The following CACNA1C variants were observed in gnomAD, a reference collection of about 807,000 sequenced individuals.
The protein encoded by CACNA1C is calcium voltage-gated channel subunit alpha1 C, also known as voltage-dependent L-type calcium channel subunit alpha-1C.
In CACNA1C, 30 loss-of-function variants were observed where a neutral mutation model predicts 229.0. The observed-to-expected ratio is 0.13, with a 90% confidence interval of 0.10 to 0.18. The LOEUF is 0.18. Ranked by LOEUF, CACNA1C falls within the 10% of genes least tolerant of loss-of-function variation. The probability of loss-of-function intolerance (pLI) is 1.00; values close to 1 mark genes in which losing one functional copy is unlikely to be tolerated. For missense variants in CACNA1C, 1,658 were observed against 2,845.0 expected (o/e 0.58, Z 9.49); for synonymous variants, 1,114 against 1,132.5 (o/e 0.98, Z 0.33).
At chr12:2,242,896 G>A (rs773915793) in intron 3 of CACNA1C, among the ~76,000 whole-genome samples, 4 of 152,236 alleles carry the variant, frequency 2.6e-5, no homozygotes, top group Non-Finnish European at 4.4e-5. Flanking sequence ...GTTAGCAGGG[G>A]CAAGTGTGGT....
chr12:2,046,584 A>G (rs2051093794), intron 1 of CACNA1C, among the ~76,000 whole-genome samples: 3 of 152,128 alleles, frequency 2.0e-5, no homozygotes, highest in Admixed American at 2.0e-4. Context: ...ATCAGGCCAT[A>G]AATAACCTCG....
chr12:2,691,525 G>A lies in CACNA1C; in HGVS notation c.*326G>A, dbSNP rs573305736. The stretch of plus-strand genomic sequence containing the variant: ...GGCTTCCCGCGCGCCCTCACCAAAA[G>A]GACCCTACAGCAAACGGGTGTCTTT... On this transcript the variant is annotated 3_prime_UTR_variant, in exon 47 of 47. Coordinates refer to ENST00000399655, the MANE Select transcript of CACNA1C (RefSeq NM_000719.7). 3 of 287,954 alleles carry A rather than the reference G, an allele frequency of 1.0e-5. No homozygotes were observed. Among genetic ancestry groups the A allele is most frequent in the African/African-American group, 4.3e-5 (2 of 46,020 alleles). The allele number at this position is 287,954 out of a possible 1,614,324, so 17.8% of individuals were successfully genotyped here.
chr12:2,684,367 TA>T (rs1205212309), intron 43 of CACNA1C, among the ~76,000 whole-genome samples: 1 of 152,040 alleles, frequency 6.6e-6, no homozygotes, highest in Non-Finnish European at 1.5e-5. Flanking sequence ...ACGGTCAATA[TA>T]AAAAAGGGAA....
chr12:2,643,446 T>C (rs1262561329), intron 30 of CACNA1C, among the ~76,000 whole-genome samples: 1 of 152,228 alleles, frequency 6.6e-6, no homozygotes, highest in Non-Finnish European at 1.5e-5. Context: ...ACCTCATTCA[T>C]TTGCTCTTCT....
intron 5 of CACNA1C, among the ~76,000 whole-genome samples, chr12:2,460,914 C>G (rs971209061): frequency 2.6e-5 from 4 of 152,180 alleles, no homozygotes; most frequent in African/African-American, 9.7e-5. Flanking sequence ...AACAGGGAAC[C>G]ATGCAGACCA....
rs1175377872 is a variant in CACNA1C, at chr12:2,691,304, GC to G, written c.*106del. ...TCGTGACCTGGAGTTAACCGGAACAGCGTCTTCATTCATTTCTGTTGGGACC... is the reference window on the plus strand; with the variant it reads ...TCGTGACCTGGAGTTAACCGGAACAGGTCTTCATTCATTTCTGTTGGGACC... On this transcript the variant is annotated 3_prime_UTR_variant, in exon 47 of 47. Coordinates refer to ENST00000399655, the MANE Select transcript of CACNA1C (RefSeq NM_000719.7). 8.4e-7 allele frequency: 1 copy of G among 1,188,988 alleles called. No homozygotes were observed. Among genetic ancestry groups the G allele is most frequent in the African/African-American group, 1.6e-5 (1 of 64,318 alleles). 73.7% of individuals were successfully genotyped at this position (1,188,988 alleles called of 1,614,324 possible). A position where few individuals can be genotyped will look rare whatever the true frequency, so the allele number is the denominator to read the frequency against.
intron 3 of CACNA1C, among the ~76,000 whole-genome samples, chr12:2,171,930 G>A (rs2096497656): frequency 6.6e-6 from 1 of 152,224 alleles, no homozygotes; most frequent in East Asian, 1.9e-4. Flanking sequence ...AGCAGCACAT[G>A]CCATGGCCCT....
chr12:2,684,426 A>G (rs1415506778), intron 43 of CACNA1C, among the ~76,000 whole-genome samples: 3 of 152,192 alleles, frequency 2.0e-5, no homozygotes, highest in Non-Finnish European at 4.4e-5. Flanking sequence ...TGATTCTTAG[A>G]GAATACAAAC....
chr12:2,161,353 C>G (rs1441137506), intron 3 of CACNA1C, among the ~76,000 whole-genome samples: 4 of 152,152 alleles, frequency 2.6e-5, no homozygotes, highest in African/African-American at 9.7e-5. Flanking sequence ...GCACTGAGGA[C>G]AGAGGGCTCC....
At chr12:2,250,406 C>T (rs2075177310) in intron 3 of CACNA1C, among the ~76,000 whole-genome samples, 1 of 152,258 alleles carries the variant, frequency 6.6e-6, no homozygotes, top group African/African-American at 2.4e-5. Flanking sequence ...CTCTCTCCAT[C>T]CCGAGACCTT....
intron 3 of CACNA1C, among the ~76,000 whole-genome samples, chr12:2,189,784 C>T (rs918037547): frequency 1.4e-5 from 2 of 147,982 alleles, no homozygotes; most frequent in East Asian, 3.9e-4. Flanking sequence ...AGGGCTCTTA[C>T]AACTAGTGAT....
At chr12:2,551,679 T>C (rs1249852180) in intron 10 of CACNA1C, among the ~76,000 whole-genome samples, 3 of 152,102 alleles carry the variant, frequency 2.0e-5, no homozygotes, top group South Asian at 2.1e-4. Context: ...AAAAGTCTCA[T>C]GTAATGAGAT....
intron 1 of CACNA1C, among the ~76,000 whole-genome samples, chr12:2,111,492 C>A (rs1380341018): frequency 6.7e-6 from 1 of 150,030 alleles, no homozygotes; most frequent in Non-Finnish European, 1.5e-5. Context: ...AACTGGCAGC[C>A]CGTATGAGAT....
At chr12:2,156,055 G>A (rs886512704) in intron 3 of CACNA1C, among the ~76,000 whole-genome samples, 1 of 152,172 alleles carries the variant, frequency 6.6e-6, no homozygotes, top group Non-Finnish European at 1.5e-5. Flanking sequence ...CTAAGGTTGA[G>A]TGAAAGAAAC....
At chr12:2,670,865 TA>T (rs994443894) in intron 38 of CACNA1C, among the ~76,000 whole-genome samples, 3 of 110,022 alleles carry the variant, frequency 2.7e-5, no homozygotes, top group African/African-American at 1.0e-4. Flanking sequence ...AAAAATAAAA[TA>T]AAATAATAAA....
In CACNA1C at chr12:2,030,261, CT is replaced by C. The variant is rs1051108043; in HGVS notation, c.139+59066del. On this transcript the variant is annotated intron_variant, in intron 1 of 46. Transcript: ENST00000682462. ...CCATATTAATCAGGCCCAATAATTC[CT>C]TTTTTAAGCTTGGATCCAATGCTGA... Among the ~76,000 whole-genome samples the C allele has an allele frequency of 9.2e-5, 14 of 152,226 alleles. No individual in the cohort carries two copies. In the East Asian group the frequency reaches 2.5e-3, roughly 27 times the overall value.
intron 11 of CACNA1C, among the ~76,000 whole-genome samples, chr12:2,558,542 A>G (rs951635143): frequency 1.3e-5 from 2 of 152,200 alleles, no homozygotes; most frequent in Non-Finnish European, 2.9e-5. Context: ...CAGCAGCCCT[A>G]TGACAGGCTC....
chr12:2,424,553 G>A (rs1441912509), intron 3 of CACNA1C, among the ~76,000 whole-genome samples: 1 of 152,240 alleles, frequency 6.6e-6, no homozygotes, highest in Admixed American at 6.5e-5. Context: ...ACACTTTGCA[G>A]AAAGCTCAGG....
chr12:2,399,875 A>G (rs1390675871), intron 3 of CACNA1C, among the ~76,000 whole-genome samples: 2 of 152,188 alleles, frequency 1.3e-5, no homozygotes, highest in African/African-American at 4.8e-5. Flanking sequence ...ATAACTCAGC[A>G]TCTGAACTCT....
Sources: gnomAD v4.1 joint callset for allele counts (sites outside exome capture counted in the v4.1 genomes callset) on GRCh38, gnomAD v4.1.1 for gene constraint, MANE v1.5 for transcripts, NCBI Gene and HGNC (gene_info 2026-07-23, HGNC 2026-07-21) for gene names.